Variants in EXOC6B observed in about 807,000 individuals in gnomAD.
The protein encoded by EXOC6B is exocyst complex component 6B, also known as SEC15 homolog B.
In EXOC6B, 54 loss-of-function variants were observed where a neutral mutation model predicts 113.5. That is an observed-to-expected ratio of 0.48 (90% CI 0.38 to 0.60). The LOEUF (loss-of-function observed/expected upper bound fraction) is 0.60. Among genes scored for constraint, EXOC6B ranks in the 20% least tolerant of loss-of-function variants. The pLI is 0.00. For synonymous variants in EXOC6B, 357 were observed against 339.0 expected, an observed-to-expected ratio of 1.05 and a Z score of -0.58; for missense variants, 797 against 977.5, an observed-to-expected ratio of 0.82 and a Z score of 2.46.
intron 20 of EXOC6B, among the ~76,000 whole-genome samples, chr2:72,209,640 C>T (rs1297560524): frequency 6.6e-6 from 1 of 152,204 alleles, no homozygotes; most frequent in Admixed American, 6.5e-5. Flanking sequence ...ACATGTGTTT[C>T]AGCCAAACAC....
intron 16 of EXOC6B, among the ~76,000 whole-genome samples, chr2:72,491,903 T>C (rs1188187707): frequency 2.0e-5 from 3 of 152,142 alleles, no homozygotes; most frequent in Non-Finnish European, 4.4e-5. Context: ...CCAAGAACTA[T>C]GATTGCATTA....
chr2:72,483,021 T>A (rs1198249529), intron 16 of EXOC6B, among the ~76,000 whole-genome samples: 1 of 152,198 alleles, frequency 6.6e-6, no homozygotes, highest in Non-Finnish European at 1.5e-5. Context: ...TCCATAGTTT[T>A]AATTCAGAAA....
chr2:72,671,947 G>T (rs987649483), intron 6 of EXOC6B, among the ~76,000 whole-genome samples: 4 of 151,660 alleles, frequency 2.6e-5, no homozygotes, highest in Non-Finnish European at 4.4e-5. Context: ...AAAAGAAAAG[G>T]CTCAACATCA....
intron 18 of EXOC6B, among the ~76,000 whole-genome samples, chr2:72,455,383 G>C (rs1348155778): frequency 6.6e-6 from 1 of 152,090 alleles, no homozygotes. Flanking sequence ...CACCCGTTCC[G>C]GGAATTGTTC....
At chr2:72,800,736 C>G (rs1685229292) in intron 1 of EXOC6B, among the ~76,000 whole-genome samples, 1 of 152,178 alleles carries the variant, frequency 6.6e-6, no homozygotes, top group Admixed American at 6.5e-5. Flanking sequence ...ACTCCAAAGT[C>G]TGGACTTGGA....
Position 72,496,518 on chromosome 2 carries a change from G to A in EXOC6B, c.1379C>T (p.Thr460Ile). Residue 460 changes from threonine (T) to isoleucine (I), a missense_variant, in exon 14 of 22, where the codon ACA becomes ATA. Coordinates refer to ENST00000272427, the MANE Select transcript of EXOC6B (RefSeq NM_015189.3). Reference protein sequence around the residue: ...DSDNYSPIPVTSEEMYKKVVG... With the variant: ...DSDNYSPIPVISEEMYKKVVG... ...CACCTTTTTGTACATCTCTTCACTT[G>A]TTACTGGTATAGGACTGTAGTTGTC... 6.3e-7 allele frequency: 1 copy of A among 1,595,290 alleles called. No individual in the cohort carries two copies. Among genetic ancestry groups the A allele is most frequent in the South Asian group, 1.1e-5 (1 of 88,816 alleles).
chr2:72,376,958 G>C (rs1342909466), intron 19 of EXOC6B, among the ~76,000 whole-genome samples: 1 of 151,856 alleles, frequency 6.6e-6, no homozygotes, highest in Non-Finnish European at 1.5e-5. Context: ...GTGAAGAGTA[G>C]CTCTTGGGGT....
At chr2:72,748,080 G>A (rs563217607) in intron 1 of EXOC6B, among the ~76,000 whole-genome samples, 16 of 152,120 alleles carry the variant, frequency 1.1e-4, no homozygotes, top group African/African-American at 3.9e-4. Context: ...TTGTTTCAGA[G>A]GTGGATGCAA....
rs999706826 is a variant in EXOC6B, at chr2:72,499,951, G to C, written c.1189C>G (p.Leu397Val). ...THSSYCSDPN[L>V]VLDLKNLIVL... Reference sequence around the variant, plus strand: ...ATGAGGTTCTTCAAATCTAACACAAGGTTTGGATCAGAACAGTAAGACTAA... The same window carrying C: ...ATGAGGTTCTTCAAATCTAACACAACGTTTGGATCAGAACAGTAAGACTAA... The change falls in exon 12 of 22, where the codon CTT becomes GTT. Residue 397 changes from leucine (L) to valine (V), a missense_variant. Physicochemically the swap from Leu to Val is conservative, Grantham distance 32. Coordinates refer to ENST00000272427, the MANE Select transcript of EXOC6B (RefSeq NM_015189.3). 1 of 1,552,052 alleles carries C rather than the reference G, an allele frequency of 6.4e-7. No individual in the cohort carries two copies. Among genetic ancestry groups the C allele is most frequent in the African/African-American group, 1.4e-5 (1 of 73,184 alleles).
At chr2:72,480,477 A>G (rs779357630) in intron 17 of EXOC6B, 139 bp downstream of exon 17, 13 of 807,194 alleles carry the variant, frequency 1.6e-5, no homozygotes, top group Non-Finnish European at 7.1e-6. Context: ...AAAATAGAGA[A>G]GGGAAACCAA....
At chr2:72,453,123 T>G (rs1697006294) in intron 18 of EXOC6B, among the ~76,000 whole-genome samples, 1 of 152,124 alleles carries the variant, frequency 6.6e-6, no homozygotes, top group Non-Finnish European at 1.5e-5. Context: ...TAAATTTAAA[T>G]CTGTATTCCA....
At chr2:72,672,370 C>T (rs1054223156) in intron 6 of EXOC6B, among the ~76,000 whole-genome samples, 8 of 151,582 alleles carry the variant, frequency 5.3e-5, no homozygotes, top group African/African-American at 1.2e-4. Context: ...GTGGCTCACG[C>T]GTGTAATCCT....
chr2:72,499,420 A>T (rs938131831), intron 12 of EXOC6B, among the ~76,000 whole-genome samples: 1 of 151,790 alleles, frequency 6.6e-6, no homozygotes, highest in African/African-American at 2.4e-5. Context: ...TACTAAAGAC[A>T]GGGTTTCACC....
chr2:72,501,974 G>A (rs780978026), intron 11 of EXOC6B, among the ~76,000 whole-genome samples: 3 of 151,766 alleles, frequency 2.0e-5, no homozygotes, highest in Non-Finnish European at 4.4e-5. Flanking sequence ...TGTTGCCCAT[G>A]CTGGTCTCAA....
chr2:72,185,677 CAG>C (rs1678377175), intron 20 of EXOC6B, among the ~76,000 whole-genome samples: 1 of 151,936 alleles, frequency 6.6e-6, no homozygotes, highest in Non-Finnish European at 1.5e-5. Flanking sequence ...CCCAAGGCCT[CAG>C]AGAGTTATCC....
In EXOC6B at chr2:72,384,691, G is replaced by A. The variant is rs1026987373; in HGVS notation, c.1981-4821C>T. On this transcript the variant is annotated intron_variant, in intron 18 of 21. Transcript: ENST00000272427. ...AAGTTGCAGGATACAAAATAAACAT[G>A]CAAATATCAGGTGTGTTTCTATATG... is the stretch of plus-strand genomic sequence containing the variant. 5.9e-5 allele frequency among the ~76,000 whole-genome samples: 9 copies of A among 151,938 alleles called. No individual in the cohort carries two copies. The East Asian group carries it at 1.7e-3, about 29-fold the overall frequency.
chr2:72,252,779 T>C (rs997479001), intron 20 of EXOC6B, among the ~76,000 whole-genome samples: 16 of 152,240 alleles, frequency 1.1e-4, no homozygotes, highest in African/African-American at 3.9e-4. Context: ...GCTCACTATC[T>C]GGGTGATGGG....
chr2:72,361,294 A>C (rs984261627), intron 19 of EXOC6B, among the ~76,000 whole-genome samples: 1 of 152,204 alleles, frequency 6.6e-6, no homozygotes, highest in African/African-American at 2.4e-5. Context: ...GCTTGATTTA[A>C]TGTAGTAACT....
At chr2:72,335,088 T>A in intron 19 of EXOC6B, 68 bp from the exon 20 acceptor site, 1 of 1,415,704 alleles carries the variant, frequency 7.1e-7, no homozygotes, top group South Asian at 1.2e-5. Context: ...GGCAGACGGA[T>A]GACAGGGAAG....
Sources: gnomAD v4.1 joint callset for allele counts (sites outside exome capture counted in the v4.1 genomes callset) on GRCh38, gnomAD v4.1.1 for gene constraint, MANE v1.5 for transcripts, NCBI Gene and HGNC (gene_info 2026-07-23, HGNC 2026-07-21) for gene names.